Variants in LAP3 observed in about 807,000 individuals in gnomAD.
LAP3 encodes the protein leucine aminopeptidase 3.
In LAP3, 46 loss-of-function variants were observed where a neutral mutation model predicts 58.8. The ratio of observed to expected loss-of-function variants is 0.78; its 90% CI spans 0.62 to 1.00. The LOEUF is 1.00. LAP3 is among the 50% of genes least tolerant of loss of function. The pLI is 0.00. For missense variants in LAP3, 615 were observed against 659.1 expected (o/e 0.93, Z 0.73); for synonymous variants, 257 against 237.7 (o/e 1.08, Z -0.75).
rs1484017403 is a variant in LAP3 at position 17,607,556 on chromosome 4, G to T, written c.1527G>T (p.Glu509Asp). Residue 509 changes from glutamate (E) to aspartate (D), a missense_variant, in exon 13 of 13, where the codon GAG (glutamate) becomes GAT (aspartate). Coordinates refer to ENST00000226299, the MANE Select transcript of LAP3 (RefSeq NM_015907.3). Reference protein sequence around the residue: ...MTGRPTRTLIEFLLRFSQDNA With the variant: ...MTGRPTRTLIDFLLRFSQDNA ...GGAGGCCCACAAGGACTCTCATTGAGTTCTTACTTCGTTTCAGTCAAGACA... is the reference window on the plus strand; with the variant it reads ...GGAGGCCCACAAGGACTCTCATTGATTTCTTACTTCGTTTCAGTCAAGACA... The T allele has an allele frequency of 7.4e-6, 12 of 1,613,394 alleles. No homozygotes were observed. Among genetic ancestry groups the T allele is most frequent in the Non-Finnish European group, 1.0e-5 (12 of 1,179,868 alleles).
At chr4:17,584,922 C>G (rs1374668352) in intron 5 of LAP3, 50 bp from the exon 6 acceptor site, 1 of 1,573,944 alleles carries the variant, frequency 6.4e-7, no homozygotes, top group East Asian at 2.3e-5. Context: ...GGCAGGCAGT[C>G]AGCGTTCTTG....
At chr4:17,592,032 G>A (rs1262847316) in intron 7 of LAP3, among the ~76,000 whole-genome samples, 1 of 152,114 alleles carries the variant, frequency 6.6e-6, no homozygotes, top group Non-Finnish European at 1.5e-5. Context: ...GAGGTAGGAG[G>A]ATTACATGAG....
rs745867939 is a variant in LAP3 at position 17,577,425 on chromosome 4, C to A, written c.-41C>A. On this transcript the variant is annotated 5_prime_UTR_variant, in exon 1 of 13. Transcript: ENST00000226299. Reference sequence around the variant, plus strand: ...AGGCGCGCCCGCCCACCGCTCTCCACGTGCTCGCTGGAGGGCGGTGCGAGG... The same window carrying A: ...AGGCGCGCCCGCCCACCGCTCTCCAAGTGCTCGCTGGAGGGCGGTGCGAGG... 643 of 1,467,232 alleles carry A rather than the reference C, an allele frequency of 4.4e-4. No homozygotes were observed. Among genetic ancestry groups the A allele is most frequent in the Non-Finnish European group, 5.6e-4 (612 of 1,091,240 alleles). 90.9% of individuals were successfully genotyped at this position (1,467,232 alleles called of 1,614,324 possible).
chr4:17,578,041 A>C (rs1713257060), intron 1 of LAP3, among the ~76,000 whole-genome samples: 1 of 152,260 alleles, frequency 6.6e-6, no homozygotes, highest in East Asian at 1.9e-4. Flanking sequence ...GCCTCTCTAG[A>C]GAAAAGGGCT....
Position 17,577,249 on chromosome 4 carries a change from C to CACGAATGCGGGCGCACACGAATGCGGGCG in LAP3, c.-217_-216insACGAATGCGGGCGCACACGAATGCGGGCG, listed in dbSNP as rs1553880637. 1.2e-4 allele frequency: 48 copies of CACGAATGCGGGCGCACACGAATGCGGGCG among 391,928 alleles called. No homozygotes were observed. The highest frequency in any genetic ancestry group is 3.4e-4 in the South Asian group (6 of 17,450). The allele number at this position is 391,928 out of a possible 1,614,324, so 24.3% of individuals were successfully genotyped here. Reference sequence around the variant, plus strand: ...GCGGGCGCACACGAATGCGGGCGCACCCTTGAGTCCCCTCCACAACCGCGG... The same window carrying CACGAATGCGGGCGCACACGAATGCGGGCG: ...GCGGGCGCACACGAATGCGGGCGCACACGAATGCGGGCGCACACGAATGCGGGCGCCTTGAGTCCCCTCCACAACCGCGG... On this transcript the variant is annotated 5_prime_UTR_variant, in exon 1 of 13. In the 5' UTR this introduces an upstream ATG that the reference lacks. Coordinates refer to ENST00000226299, the MANE Select transcript of LAP3 (RefSeq NM_015907.3).
At chr4:17,582,529 C>T in intron 4 of LAP3, 136 bp downstream of exon 4, 3 of 663,598 alleles carry the variant, frequency 4.5e-6, no homozygotes, top group South Asian at 1.9e-5. Context: ...AACAAAAATT[C>T]AGTTCCTCTT....
intron 11 of LAP3, among the ~76,000 whole-genome samples, chr4:17,605,633 C>G (rs1004730037): frequency 1.1e-4 from 16 of 152,142 alleles, no homozygotes; most frequent in Admixed American, 2.6e-4. Flanking sequence ...AACTGCTTCT[C>G]CTTCATATAT....
In LAP3 at chr4:17,604,596, G is replaced by T; in HGVS notation, c.1189G>T (p.Asp397Tyr). Residue 397 changes from aspartate (D) to tyrosine (Y), a missense_variant, in exon 11 of 13, where the codon GAT (aspartate) becomes TAT (tyrosine). Transcript: ENST00000226299. ...LNAATLTGAM[D>Y]VALGSGATGV... ...GGGCTTGTGTCTTACAGGTGCCATG[G>T]ATGTAGCTTTGGGATCAGGTGCCAC... The T allele has an allele frequency of 6.2e-7, 1 of 1,614,012 alleles. No individual in the cohort carries two copies.
In LAP3 at chr4:17,607,528, C is replaced by CT; in HGVS notation, c.1500dup (p.Gly501TrpfsTer9). On this transcript the variant is annotated frameshift_variant, in exon 13 of 13. Transcript: ENST00000226299. LOFTEE classifies it high-confidence loss of function. ...GTTCCCTATCTACGGAAAGGCATGA[C>CT]TGGGAGGCCCACAAGGACTCTCATT... is the stretch of plus-strand genomic sequence containing the variant. The CT allele has an allele frequency of 6.2e-7, 1 of 1,614,058 alleles. No homozygotes were observed. Among genetic ancestry groups the CT allele is most frequent in the East Asian group, 2.2e-5 (1 of 44,880 alleles).
At chr4:17,605,001 C>T (rs966907271) in intron 11 of LAP3, among the ~76,000 whole-genome samples, 1 of 152,040 alleles carries the variant, frequency 6.6e-6, no homozygotes, top group South Asian at 2.1e-4. Flanking sequence ...GACTGCGTGT[C>T]GTGAGTCATA....
chr4:17,595,691 A>G (rs1444149024), intron 8 of LAP3, among the ~76,000 whole-genome samples, 157 bp downstream of exon 8: 2 of 152,180 alleles, frequency 1.3e-5, no homozygotes, highest in Non-Finnish European at 2.9e-5. Context: ...TAAGTGTTTT[A>G]CTGTCTGAGC....
chr4:17,587,476 GATTTAAA>G (rs1281591276), intron 6 of LAP3: 4 of 144,394 alleles, frequency 2.8e-5, no homozygotes, highest in African/African-American at 1.1e-4. Flanking sequence ...TTCATCTTCC[GATTTAAA>G]ATTTTTTTCC....
At chr4:17,589,714 C>T (rs557176482) in intron 7 of LAP3, among the ~76,000 whole-genome samples, 1 of 152,320 alleles carries the variant, frequency 6.6e-6, no homozygotes. Flanking sequence ...CCACCTCAGC[C>T]TCCCAAAGTG....
Position 17,588,907 on chromosome 4 carries a change from C to T in LAP3, c.793C>T (p.His265Tyr), listed in dbSNP as rs1713601622. 3 of 1,614,140 alleles carry T rather than the reference C, an allele frequency of 1.9e-6. No individual in the cohort carries two copies. Among genetic ancestry groups the T allele is most frequent in the Non-Finnish European group, 2.5e-6 (3 of 1,180,034 alleles). Residue 265 changes from histidine to tyrosine, a missense_variant, in exon 7 of 13, where the codon CAC (histidine) becomes TAC (tyrosine). Physicochemically the swap from His to Tyr is moderately conservative, Grantham distance 83. Coordinates refer to ENST00000226299, the MANE Select transcript of LAP3 (RefSeq NM_015907.3). ...CGAGCCCCCAGTCTTCTTGGAAATT[C>T]ACTACAAAGGCAGCCCCAATGCAAA... ...SDEPPVFLEI[H>Y]YKGSPNANEP... is the part of the protein sequence containing the mutation.
At chr4:17,599,704 A>AC (rs201035987) in intron 10 of LAP3, among the ~76,000 whole-genome samples, 2,053 of 147,838 alleles carry the variant, frequency 0.014, 53 homozygotes, top group African/African-American at 0.048. Context: ...TCAGAGCTTT[A>AC]CTTTTTTTTT....
intron 1 of LAP3, 42 bp from the exon 2 acceptor site, chr4:17,579,782 T>C: frequency 8.9e-7 from 1 of 1,118,422 alleles, no homozygotes; most frequent in Non-Finnish European, 1.3e-6. Context: ...CTAAGGGATC[T>C]ACTCTAATTC....
intron 7 of LAP3, among the ~76,000 whole-genome samples, chr4:17,590,360 C>T (rs1269574865): frequency 6.6e-6 from 1 of 152,112 alleles, no homozygotes; most frequent in Non-Finnish European, 1.5e-5. Context: ...GCATAGCTTG[C>T]TGTCAGTGTG....
At chr4:17,582,825 G>GT (rs1293498549) in intron 4 of LAP3, 1 of 166,218 alleles carries the variant, frequency 6.0e-6, no homozygotes, top group Non-Finnish European at 1.3e-5. Context: ...GCCTGTCCCA[G>GT]TATGTCCCAG....
chr4:17,598,466 CT>C lies in LAP3; in HGVS notation c.1089del (p.Asp364MetfsTer29). 6.2e-7 allele frequency: 1 copy of C among 1,613,200 alleles called. No homozygotes were observed. Among genetic ancestry groups the C allele is most frequent in the Non-Finnish European group, 8.5e-7 (1 of 1,179,180 alleles). ...TTTGACCCTCTGCAGGTTGATAACA[CT>C]GATGCTGAGGGGAGGCTCATACTGG... ...KNGKTIQVDN[T>X]DAEGRLILAD... On this transcript the variant is annotated frameshift_variant, in exon 10 of 13. Transcript: ENST00000226299. LOFTEE classifies it high-confidence loss of function.
Sources: allele counts gnomAD v4.1 joint callset (sites outside exome capture counted in the v4.1 genomes callset), GRCh38; gene constraint gnomAD v4.1.1; transcripts MANE v1.5; gene names NCBI Gene and HGNC (gene_info 2026-07-23, HGNC 2026-07-21).